The following TRPC6 variants were observed in gnomAD, a reference collection of about 807,000 sequenced individuals.
The protein encoded by TRPC6 is transient receptor potential cation channel subfamily C member 6, also known as short transient receptor potential channel 6.
TRPC6 carries 55 observed loss-of-function variants against 90.7 expected under a neutral mutation model. The ratio of observed to expected loss-of-function variants is 0.61; its 90% CI spans 0.49 to 0.76. The LOEUF (loss-of-function observed/expected upper bound fraction) is 0.76, where lower values mean the gene tolerates loss of function less well. TRPC6 is among the 30% of genes least tolerant of loss of function. TRPC6 has a pLI of 0.00. For synonymous variants in TRPC6, 393 were observed against 393.0 expected (o/e 1.00, Z 0.00); for missense variants, 989 against 1,122.7 (o/e 0.88, Z 1.70).
intron 1 of TRPC6, among the ~76,000 whole-genome samples, chr11:101,553,949 C>G (rs1382733116): frequency 6.6e-6 from 1 of 152,048 alleles, no homozygotes; most frequent in Non-Finnish European, 1.5e-5. Flanking sequence ...GTTCATAGTT[C>G]TGTGGGGAAA....
chr11:101,474,561 A>AAGAGG (rs1252422863), intron 6 of TRPC6, among the ~76,000 whole-genome samples: 1 of 152,182 alleles, frequency 6.6e-6, no homozygotes. Context: ...CCTTTTTTAT[A>AAGAGG]GTGCTTTGAA....
chr11:101,466,357 T>TGTAA (rs1859145412), intron 10 of TRPC6, among the ~76,000 whole-genome samples: 2 of 152,232 alleles, frequency 1.3e-5, no homozygotes, highest in African/African-American at 2.4e-5. Context: ...GGGTTTTATC[T>TGTAA]GTAAGTCCCT....
chr11:101,539,242 C>CGG (rs1565234785), intron 1 of TRPC6, among the ~76,000 whole-genome samples: 11 of 152,188 alleles, frequency 7.2e-5, no homozygotes, highest in African/African-American at 2.7e-4. Flanking sequence ...TTTTCAGATT[C>CGG]CTTAGAACTA....
chr11:101,466,844 C>G lies in TRPC6; in HGVS notation c.2484+2583G>C, dbSNP rs544638020. Reference sequence around the variant, plus strand: ...CAGTTTTGTGCTTGAAACCCAGGGCCCTGGTGGAGTAGGCACCAGAGGGAA... The same window carrying G: ...CAGTTTTGTGCTTGAAACCCAGGGCGCTGGTGGAGTAGGCACCAGAGGGAA... On this transcript the variant is annotated intron_variant, in intron 10 of 12. Coordinates refer to ENST00000344327, the MANE Select transcript of TRPC6 (RefSeq NM_004621.6). Among the ~76,000 whole-genome samples the G allele has an allele frequency of 5.6e-4, 85 of 152,298 alleles. No homozygotes were observed. In the South Asian group the frequency reaches 0.017, roughly 30 times the overall value.
At chr11:101,526,686 C>A (rs934566698) in intron 1 of TRPC6, among the ~76,000 whole-genome samples, 1 of 151,526 alleles carries the variant, frequency 6.6e-6, no homozygotes, top group Non-Finnish European at 1.5e-5. Flanking sequence ...CACAGTGAAA[C>A]CCCGTCTCTA....
chr11:101,508,845 CAAG>C (rs1860332544), intron 1 of TRPC6, among the ~76,000 whole-genome samples: 1 of 151,984 alleles, frequency 6.6e-6, no homozygotes, highest in South Asian at 2.1e-4. Context: ...ATCAAAACAT[CAAG>C]AACAAGCTCC....
intron 10 of TRPC6, among the ~76,000 whole-genome samples, chr11:101,462,031 C>T (rs1042228149): frequency 2.6e-5 from 4 of 152,304 alleles, no homozygotes; most frequent in Middle Eastern, 6.8e-3. Flanking sequence ...CAGTTTTCTG[C>T]GTATGGCTAG....
intron 1 of TRPC6, among the ~76,000 whole-genome samples, chr11:101,535,169 GAAAA>G (rs1374593721): frequency 1.7e-4 from 23 of 139,330 alleles, no homozygotes; most frequent in African/African-American, 6.3e-4. Flanking sequence ...CTGTCAGAAA[GAAAA>G]GAAAGGAAGG....
At chr11:101,468,096 C>T (rs1434943986) in intron 10 of TRPC6, among the ~76,000 whole-genome samples, 4 of 152,180 alleles carry the variant, frequency 2.6e-5, no homozygotes, top group Admixed American at 1.3e-4. Context: ...TTCCACTTGC[C>T]TTCTTGCTGT....
Position 101,558,460 on chromosome 11 carries a change from T to TACACACACATACACACACAC in TRPC6, c.170+24873_170+24874insGTGTGTGTGTATGTGTGTGT, listed in dbSNP as rs1861638850. Among the ~76,000 whole-genome samples the TACACACACATACACACACAC allele has an allele frequency of 5.9e-5, 3 of 50,448 alleles. 1 individual carries two copies. Among genetic ancestry groups the TACACACACATACACACACAC allele is most frequent in the African/African-American group, 2.6e-4 (3 of 11,382 alleles). The allele number at this position is 50,448 out of a possible 152,430, so 33.1% of individuals were successfully genotyped here. On this transcript the variant is annotated intron_variant, in intron 1 of 12. Coordinates refer to ENST00000344327, the MANE Select transcript of TRPC6 (RefSeq NM_004621.6). ...ATACATATATATACACACGCACACA[T>TACACACACATACACACACAC]ACACACACACACACACACACACACA...
chr11:101,580,879 T>G (rs1862182442), intron 1 of TRPC6, among the ~76,000 whole-genome samples: 1 of 152,208 alleles, frequency 6.6e-6, no homozygotes, highest in Admixed American at 6.5e-5. Flanking sequence ...TATGGAAGAG[T>G]TGATTTCTAC....
chr11:101,488,060 T>C (rs1455871316), intron 4 of TRPC6, among the ~76,000 whole-genome samples: 1 of 152,210 alleles, frequency 6.6e-6, no homozygotes, highest in African/African-American at 2.4e-5. Context: ...GTAACCCAAC[T>C]GATAGTTCTT....
At chr11:101,485,900 G>A (rs1250114004) in intron 4 of TRPC6, among the ~76,000 whole-genome samples, 5 of 151,982 alleles carry the variant, frequency 3.3e-5, no homozygotes, top group African/African-American at 4.8e-5. Context: ...TTCAATTTTC[G>A]GGGCAAGGTG....
chr11:101,568,475 AAGGC>A (rs1861884386), intron 1 of TRPC6, among the ~76,000 whole-genome samples: 1 of 152,228 alleles, frequency 6.6e-6, no homozygotes. Context: ...CCAACCTAGC[AAGGC>A]AGGCCAACAT....
chr11:101,471,093 G>A, intron 9 of TRPC6, 90 bp downstream of exon 9: 1 of 1,289,102 alleles, frequency 7.8e-7, no homozygotes, highest in Non-Finnish European at 1.1e-6. Flanking sequence ...TGTGTCATCA[G>A]GAACTGCTTC....
intron 1 of TRPC6, among the ~76,000 whole-genome samples, chr11:101,565,635 A>G (rs954430132): frequency 6.6e-6 from 1 of 152,080 alleles, no homozygotes; most frequent in African/African-American, 2.4e-5. Context: ...CTTATCAAGC[A>G]TATCATATAG....
intron 1 of TRPC6, among the ~76,000 whole-genome samples, chr11:101,571,020 G>A (rs1482980009): frequency 6.6e-6 from 1 of 152,130 alleles, no homozygotes; most frequent in Admixed American, 6.6e-5. Context: ...TTCTGGCCAG[G>A]GGATTCAGGC....
intron 1 of TRPC6, among the ~76,000 whole-genome samples, chr11:101,509,273 A>AT (rs1215218561): frequency 1.3e-5 from 2 of 150,816 alleles, no homozygotes; most frequent in Non-Finnish European, 3.0e-5. Context: ...TAATTTTTGT[A>AT]TTTTTTTTAT....
In TRPC6 at chr11:101,505,594, T is replaced by C. The variant is rs571620578; in HGVS notation, c.171-796A>G. Among the ~76,000 whole-genome samples the C allele has an allele frequency of 3.9e-5, 6 of 152,252 alleles. No homozygotes were observed. The South Asian group carries it at 1.2e-3, about 32-fold the overall frequency. On this transcript the variant is annotated intron_variant, in intron 1 of 12. Coordinates refer to ENST00000344327, the MANE Select transcript of TRPC6 (RefSeq NM_004621.6). ...GGCAATAAATGCTTGAACTCTGCTG[T>C]CCTAAAAATCACTGCAGACTGGAGA...
Sources: allele counts gnomAD v4.1 joint callset (sites outside exome capture counted in the v4.1 genomes callset), GRCh38; gene constraint gnomAD v4.1.1; transcripts MANE v1.5; gene names NCBI Gene and HGNC (gene_info 2026-07-23, HGNC 2026-07-21).